Variants in SEM1 observed in about 807,000 individuals in gnomAD.
SEM1 encodes SEM1 26S proteasome subunit.
SEM1 carries 3 observed loss-of-function variants against 12.7 expected under a neutral mutation model. The ratio of observed to expected loss-of-function variants is 0.24; its 90% CI spans 0.11 to 0.61. The LOEUF is 0.61. Among genes scored for constraint, SEM1 ranks in the 20% least tolerant of loss-of-function variants. The pLI is 0.88. For synonymous variants in SEM1, 30 were observed against 27.8 expected, an observed-to-expected ratio of 1.08 and a Z score of -0.25; for missense variants, 59 against 81.3, an observed-to-expected ratio of 0.73 and a Z score of 1.06.
chr7:96,671,183 C>A (rs921548105), downstream of SEM1, among the ~76,000 whole-genome samples: 1 of 152,144 alleles, frequency 6.6e-6, no homozygotes, highest in South Asian at 2.1e-4. Flanking sequence ...GAAAAAACAA[C>A]CTGTTTCAAA....
intron 2 of SEM1, among the ~76,000 whole-genome samples, chr7:96,538,526 T>A (rs2115763278): frequency 6.6e-6 from 1 of 151,998 alleles, no homozygotes; most frequent in South Asian, 2.1e-4. Context: ...TCTTTGTTTT[T>A]TCCCCATTTG....
At chr7:96,484,101 AT>A in intron 3 of SEM1, 1 of 1,017,272 alleles carries the variant, frequency 9.8e-7, no homozygotes, top group Non-Finnish European at 1.4e-6. Context: ...AATCATCCCC[AT>A]TTTAGAGATG....
Position 96,645,321 on chromosome 7 carries a change from A to G in SEM1, c.171-22678T>C, listed in dbSNP as rs189168826. 3.4e-3 allele frequency: 524 copies of G among 154,530 alleles called. 4 individuals are homozygous for G. Among genetic ancestry groups the G allele is most frequent in the African/African-American group, 0.012 (504 of 41,670 alleles). The allele number at this position is 154,530 out of a possible 1,614,324, so 9.6% of individuals were successfully genotyped here. On this transcript the variant is annotated intron_variant, in intron 2 of 2. Coordinates refer to the SEM1 transcript ENST00000417009. Reference sequence around the variant, plus strand: ...AGGGAAGAGGGATGGGTCAATAAGTAAATACTGTATAATGGAATATGGTTG... The same window carrying G: ...AGGGAAGAGGGATGGGTCAATAAGTGAATACTGTATAATGGAATATGGTTG...
chr7:96,503,856 A>G (rs1439614961), intron 3 of SEM1, among the ~76,000 whole-genome samples: 2 of 152,126 alleles, frequency 1.3e-5, no homozygotes, highest in Non-Finnish European at 2.9e-5. Flanking sequence ...TTCTTCAGCT[A>G]GAAGAGTAAG....
rs150382301 is a variant in SEM1 at position 96,585,341 on chromosome 7, C to T, written c.171-78643G>A. Among the ~76,000 whole-genome samples the T allele has an allele frequency of 7.3e-3, 1,113 of 152,294 alleles. 12 individuals are homozygous for T. Among genetic ancestry groups the T allele is most frequent in the African/African-American group, 0.026 (1,067 of 41,566 alleles). On this transcript the variant is annotated intron_variant and NMD_transcript_variant, in intron 2 of 3. Transcript: ENST00000466986. ...TCTGCCTGTTCTCAGATCCCAGCTT[C>T]GTGCTGGGAGAACCACTGCTCTCTT...
intron 2 of SEM1, among the ~76,000 whole-genome samples, chr7:96,512,993 T>C (rs540277305): frequency 2.6e-5 from 4 of 152,292 alleles, no homozygotes; most frequent in African/African-American, 9.6e-5. Flanking sequence ...TCCCATATAC[T>C]GAAGTCCTCA....
At chr7:96,648,843 C>G (rs1808881150) in intron 2 of SEM1, among the ~76,000 whole-genome samples, 1 of 152,216 alleles carries the variant, frequency 6.6e-6, no homozygotes, top group South Asian at 2.1e-4. Flanking sequence ...AAGCCTCGGC[C>G]ACTCACCTAG....
chr7:96,662,041 T>G (rs1254636118), intron 2 of SEM1, among the ~76,000 whole-genome samples: 1 of 150,578 alleles, frequency 6.6e-6, no homozygotes, highest in African/African-American at 2.4e-5. Context: ...GGCAAGGCTG[T>G]GGAGCAATCA....
At chr7:96,513,874 T>C (rs1389339472) in intron 2 of SEM1, among the ~76,000 whole-genome samples, 2 of 152,018 alleles carry the variant, frequency 1.3e-5, no homozygotes, top group Non-Finnish European at 2.9e-5. Context: ...ACCATAGATA[T>C]TGCTATGTAA....
At chr7:96,708,584 T>C (rs1426218388) in intron 1 of SEM1, among the ~76,000 whole-genome samples, 1 of 152,172 alleles carries the variant, frequency 6.6e-6, no homozygotes, top group African/African-American at 2.4e-5. Context: ...CAAATCCTAC[T>C]CATCAACCAT....
intron 1 of SEM1, among the ~76,000 whole-genome samples, chr7:96,487,190 C>G (rs1802806826): frequency 6.7e-6 from 1 of 149,890 alleles, no homozygotes; most frequent in South Asian, 2.1e-4. Context: ...ACACAGTAAT[C>G]AATTAATCAA....
chr7:96,533,173 T>C (rs888348186), intron 2 of SEM1, among the ~76,000 whole-genome samples: 1 of 152,032 alleles, frequency 6.6e-6, no homozygotes, highest in Non-Finnish European at 1.5e-5. Context: ...TCACGTCAGC[T>C]CAGATGTGCT....
At chr7:96,604,345 G>C (rs1400025162) in intron 2 of SEM1, among the ~76,000 whole-genome samples, 5 of 152,178 alleles carry the variant, frequency 3.3e-5, no homozygotes, top group African/African-American at 4.8e-5. Flanking sequence ...CTCTAAAGCA[G>C]AGTTTAGGAA....
chr7:96,601,079 T>C (rs1807183642), intron 2 of SEM1, among the ~76,000 whole-genome samples: 1 of 152,184 alleles, frequency 6.6e-6, no homozygotes, highest in Non-Finnish European at 1.5e-5. Context: ...AGGTTGTCCA[T>C]AGGCTTGACC....
At chr7:96,662,451 TA>T (rs1273618647) in intron 2 of SEM1, among the ~76,000 whole-genome samples, 1 of 152,096 alleles carries the variant, frequency 6.6e-6, no homozygotes, top group Admixed American at 6.5e-5. Flanking sequence ...CTCTCACTCA[TA>T]AGTGGGAGTT....
In SEM1 at chr7:96,698,330, GT is replaced by G. The variant is rs1327473151; in HGVS notation, c.77-3440del. Among the ~76,000 whole-genome samples the G allele has an allele frequency of 2.3e-4, 35 of 152,174 alleles. No individual in the cohort carries two copies. The East Asian group carries it at 6.6e-3, about 29-fold the overall frequency. ...GTTACATAGGAATACATGTGCCACA[GT>G]GGTTTGCTGCACCCATCAACCCATC... On this transcript the variant is annotated intron_variant, in intron 1 of 2. Coordinates refer to ENST00000248566, the MANE Select transcript of SEM1 (RefSeq NM_006304.2).
At chr7:96,596,134 G>T (rs1434510190) in intron 2 of SEM1, among the ~76,000 whole-genome samples, 1 of 152,214 alleles carries the variant, frequency 6.6e-6, no homozygotes, top group African/African-American at 2.4e-5. Context: ...CACAAAGGTA[G>T]CAGATGAAGG....
At chr7:96,484,748 C>T in intron 3 of SEM1, 3 of 856,270 alleles carry the variant, frequency 3.5e-6, no homozygotes, top group Non-Finnish European at 5.0e-6. Flanking sequence ...TCACTGGCAT[C>T]ACTGGGTGCC....
chr7:96,497,493 G>A (rs1376141566), upstream of SEM1, among the ~76,000 whole-genome samples: 8 of 152,064 alleles, frequency 5.3e-5, no homozygotes, highest in East Asian at 3.8e-4. Flanking sequence ...TCCTATAACC[G>A]CATACATAAA....
Sources: allele counts gnomAD v4.1 joint callset (sites outside exome capture counted in the v4.1 genomes callset), GRCh38; gene constraint gnomAD v4.1.1; transcripts MANE v1.5; gene names NCBI Gene and HGNC (gene_info 2026-07-23, HGNC 2026-07-21).